Variants in SBF1 observed in about 807,000 individuals in gnomAD.
SBF1 encodes the protein myotubularin-related protein 5.
Under a neutral mutation model 215.8 loss-of-function variants are expected in SBF1, and 65 were observed. The ratio of observed to expected loss-of-function variants is 0.30; its 90% CI spans 0.25 to 0.37. The LOEUF (loss-of-function observed/expected upper bound fraction) is 0.37, where lower values mean the gene tolerates loss of function less well. SBF1 is among the 10% of genes least tolerant of loss of function. The pLI, the probability that SBF1 is intolerant of heterozygous loss-of-function variation, is 1.00. For synonymous variants in SBF1, 1,410 were observed against 1,122.8 expected (o/e 1.26, Z -5.11); for missense variants, 2,634 against 2,667.8 (o/e 0.99, Z 0.28).
rs2067843151 is a variant in SBF1 at position 50,467,898 on chromosome 22, A to T, written c.167T>A (p.Leu56Gln). The T allele has an allele frequency of 6.2e-7, 1 of 1,614,004 alleles. No homozygotes were observed. The change falls in exon 3 of 41, where the codon CTG becomes CAG. Residue 56 changes from leucine (L) to glutamine (Q), a missense_variant. Leu to Gln is a moderately radical substitution (Grantham distance 113). Transcript: ENST00000380817. Reference sequence around the variant, plus strand: ...GGTCGGTGGATTCCTCTCGGGACACAGCTGCCACCCGCTGGGCTGGCAAAA... The same window carrying T: ...GGTCGGTGGATTCCTCTCGGGACACTGCTGCCACCCGCTGGGCTGGCAAAA... ...ELFCQPSGWQ[L>Q]CPERNPPTFF...
intron 31 of SBF1, 151 bp downstream of exon 31, chr22:50,456,065 A>T: frequency 2.4e-6 from 2 of 819,418 alleles, no homozygotes; most frequent in Non-Finnish European, 3.7e-6. Context: ...GCTGCCTTCT[A>T]GGCACCAGAG....
chr22:50,469,004 C>T (rs1232100779), intron 1 of SBF1, among the ~76,000 whole-genome samples: 1 of 152,218 alleles, frequency 6.6e-6, no homozygotes, highest in East Asian at 1.9e-4. Context: ...ATCCCAGCTG[C>T]TTCAGAGACA....
chr22:50,461,313 A>G, intron 22 of SBF1, 27 bp from the exon 23 acceptor site: 1 of 1,406,476 alleles, frequency 7.1e-7, no homozygotes, highest in Non-Finnish European at 9.7e-7. Flanking sequence ...CAGAGTCAGA[A>G]GCAAGGAAGG....
chr22:50,460,810 C>G (rs927074756), intron 23 of SBF1, 98 bp from the exon 24 acceptor site: 19 of 1,341,376 alleles, frequency 1.4e-5, no homozygotes, highest in Middle Eastern at 2.6e-4. Flanking sequence ...GCAGCCATGA[C>G]AGAGAGAGAA....
intron 5 of SBF1, 52 bp from the exon 6 acceptor site, chr22:50,466,762 A>C (rs1036466737): frequency 3.8e-6 from 5 of 1,302,670 alleles, no homozygotes; most frequent in African/African-American, 1.5e-5. Flanking sequence ...GCCAGCCCAG[A>C]GTCAGCCCAG....
rs559572013 is a variant in SBF1 at position 50,464,801 on chromosome 22, G to A, written c.1431+18C>T. 42 of 1,613,192 alleles carry A rather than the reference G, an allele frequency of 2.6e-5. No homozygotes were observed. The highest frequency in any genetic ancestry group is 6.7e-5 in the East Asian group (3 of 44,882). On this transcript the variant is annotated intron_variant, in intron 13 of 40. Coordinates refer to ENST00000380817, the MANE Select transcript of SBF1 (RefSeq NM_002972.4). The stretch of plus-strand genomic sequence containing the variant: ...GATCAAGGCGGTACGACGCCCTCCC[G>A]TCCTGCTACCCTCGTACGTTCTTGT...
chr22:50,461,471 C>T, intron 22 of SBF1, 52 bp downstream of exon 22: 1 of 1,537,730 alleles, frequency 6.5e-7, no homozygotes, highest in South Asian at 1.2e-5. Flanking sequence ...CCCATCCATC[C>T]CAAAGACCTG....
At chr22:50,467,165 C>T in intron 5 of SBF1, 173 bp downstream of exon 5, 5 of 613,080 alleles carry the variant, frequency 8.2e-6, no homozygotes, top group Admixed American at 2.9e-5. Context: ...AGCACAGGTG[C>T]GAGGGCCAGG....
At position 50,464,404 on chromosome 22, in the gene SBF1, G is replaced by A. The variant is rs1285143336; in HGVS notation, c.1674C>T (p.Asn558=). ...GCACAACCTCCAGCCGCCGGGCGCT[G>A]TTGACATGCAGCCCACTGCACCGCT... ...ILERCSGLHV[N]SARRLEVVRN... is the part of the protein sequence containing the mutation. The change falls in exon 15 of 41, where the codon AAC becomes AAT. Residue 558 remains asparagine, a synonymous_variant. Transcript: ENST00000380817. 3 of 1,614,120 alleles carry A rather than the reference G, an allele frequency of 1.9e-6. No individual in the cohort carries two copies. The highest frequency in any genetic ancestry group is 2.2e-5 in the East Asian group (1 of 44,892).
intron 40 of SBF1, 41 bp from the exon 41 acceptor site, chr22:50,447,281 G>A (rs368705397): frequency 2.7e-4 from 436 of 1,612,988 alleles, no homozygotes; most frequent in Non-Finnish European, 3.3e-4. Flanking sequence ...CCCCCACACC[G>A]CAGAGCCCCT....
chr22:50,464,430 C>G lies in SBF1; in HGVS notation c.1648G>C (p.Glu550Gln). Residue 550 changes from glutamate to glutamine, a missense_variant, in exon 15 of 41, where the codon GAG (glutamate) becomes CAG (glutamine). Coordinates refer to ENST00000380817, the MANE Select transcript of SBF1 (RefSeq NM_002972.4). ...PSGPPMTAIL[E>Q]RCSGLHVNSA... is the part of the protein sequence containing the mutation. The stretch of plus-strand genomic sequence containing the variant: ...TTGACATGCAGCCCACTGCACCGCT[C>G]CAGTATGGCAGCTGCGGGGACAGAA... 6.2e-7 allele frequency: 1 copy of G among 1,613,560 alleles called. No individual in the cohort carries two copies. The highest frequency in any genetic ancestry group is 1.3e-5 in the African/African-American group (1 of 75,080).
chr22:50,447,783 T>C (rs897204267), intron 38 of SBF1, among the ~76,000 whole-genome samples, 174 bp from the exon 39 acceptor site: 1 of 152,148 alleles, frequency 6.6e-6, no homozygotes, highest in Admixed American at 6.5e-5. Flanking sequence ...AAGCCTTTGA[T>C]GGGGGGCTGC....
intron 28 of SBF1, among the ~76,000 whole-genome samples, chr22:50,458,808 G>C (rs1424436897): frequency 6.6e-6 from 1 of 152,196 alleles, no homozygotes; most frequent in Non-Finnish European, 1.5e-5. Flanking sequence ...GGCAGAGCCA[G>C]GCCAGAGGCT....
intron 24 of SBF1, 31 bp from the exon 25 acceptor site, chr22:50,460,439 A>G: frequency 1.9e-6 from 3 of 1,602,702 alleles, no homozygotes; most frequent in Non-Finnish European, 2.6e-6. Context: ...CAAAGGTGAG[A>G]GGAGGAGGGA....
chr22:50,463,176 G>A, intron 16 of SBF1, 107 bp downstream of exon 16: 2 of 1,442,316 alleles, frequency 1.4e-6, no homozygotes, highest in Non-Finnish European at 1.9e-6. Flanking sequence ...CACTGGCACA[G>A]GAGTCTCTTG....
At chr22:50,453,629 T>TA (rs1012708141) in intron 36 of SBF1, among the ~76,000 whole-genome samples, 2 of 151,784 alleles carry the variant, frequency 1.3e-5, no homozygotes, top group Admixed American at 1.3e-4. Context: ...CCACTAAAAA[T>TA]ACAAAAAATT....
At position 50,474,928 on chromosome 22, in the gene SBF1, C is replaced by T. The variant is rs1603436185; in HGVS notation, c.-88G>A. 1.0e-6 allele frequency: 1 copy of T among 978,354 alleles called. No homozygotes were observed. The highest frequency in any genetic ancestry group is 4.5e-5 in the East Asian group (1 of 22,276). 60.6% of individuals were successfully genotyped at this position (978,354 alleles called of 1,614,324 possible). A position where few individuals can be genotyped will look rare whatever the true frequency, so the allele number is the denominator to read the frequency against. ...CGGCGCGCTCATGGCCCGGCCCCGG[C>T]CCTGGACCGCGCACCCCGGACACCC... is the stretch of plus-strand genomic sequence containing the variant. On this transcript the variant is annotated 5_prime_UTR_variant, in exon 1 of 41. Coordinates refer to ENST00000380817, the MANE Select transcript of SBF1 (RefSeq NM_002972.4).
chr22:50,467,204 G>A (rs2067804410), intron 5 of SBF1, 134 bp downstream of exon 5: 20 of 703,124 alleles, frequency 2.8e-5, no homozygotes, highest in South Asian at 1.6e-4. Flanking sequence ...TGGGGGCAAT[G>A]GTGGCACGAG....
At chr22:50,468,960 C>T (rs1469431072) in intron 1 of SBF1, among the ~76,000 whole-genome samples, 4 of 152,140 alleles carry the variant, frequency 2.6e-5, no homozygotes, top group Admixed American at 2.6e-4. Flanking sequence ...GGCTAGAGGA[C>T]ACCCCCTGCG....
Sources: gnomAD v4.1 joint callset for allele counts (sites outside exome capture counted in the v4.1 genomes callset) on GRCh38, gnomAD v4.1.1 for gene constraint, MANE v1.5 for transcripts, NCBI Gene and HGNC (gene_info 2026-07-23, HGNC 2026-07-21) for gene names.